The following MEI4 variants were observed in gnomAD, a reference collection of about 807,000 sequenced individuals.
MEI4 encodes meiotic double-stranded break formation protein 4.
MEI4 carries 27 observed loss-of-function variants against 31.4 expected under a neutral mutation model. The observed-to-expected ratio is 0.86, with a 90% CI of 0.63 to 1.19. The LOEUF (loss-of-function observed/expected upper bound fraction) is 1.19, where lower values mean the gene tolerates loss of function less well. Among genes scored for constraint, MEI4 ranks in the 50% most tolerant of loss-of-function variants. MEI4 has a pLI of 0.00. For synonymous variants in MEI4, 122 were observed against 145.4 expected, an observed-to-expected ratio of 0.84 and a Z score of 1.16; for missense variants, 329 against 398.9, an observed-to-expected ratio of 0.82 and a Z score of 1.49.
intron 4 of MEI4, among the ~76,000 whole-genome samples, chr6:77,833,681 C>T (rs1770136007): frequency 6.6e-6 from 1 of 151,928 alleles, no homozygotes; most frequent in Admixed American, 6.6e-5. Context: ...AGGTTTGTTA[C>T]ATAGGTATAC....
At chr6:77,671,494 TA>T (rs1347883979) in intron 1 of MEI4, among the ~76,000 whole-genome samples, 2 of 152,168 alleles carry the variant, frequency 1.3e-5, no homozygotes, top group East Asian at 3.8e-4. Context: ...TCTAAAATGT[TA>T]AAATGAAAAA....
chr6:77,733,289 C>T (rs374562771), intron 2 of MEI4, among the ~76,000 whole-genome samples: 27 of 152,136 alleles, frequency 1.8e-4, no homozygotes, highest in East Asian at 3.9e-4. Context: ...CTATTGATTA[C>T]TGCCACAATT....
intron 1 of MEI4, among the ~76,000 whole-genome samples, chr6:77,666,874 T>TGTGTGTGTGTGTGTGC (rs1554208072): frequency 2.8e-5 from 4 of 140,620 alleles, no homozygotes; most frequent in Non-Finnish European, 4.7e-5. Flanking sequence ...TGTGTGTGTG[T>TGTGTGTGTGTGTGTGC]GTGTGTGTGC....
At chr6:77,672,930 G>A (rs1768773126) in intron 1 of MEI4, among the ~76,000 whole-genome samples, 1 of 152,228 alleles carries the variant, frequency 6.6e-6, no homozygotes, top group South Asian at 2.1e-4. Flanking sequence ...CAAATATATT[G>A]GAATTAAATT....
chr6:77,883,397 G>C (rs1771533543), intron 4 of MEI4, among the ~76,000 whole-genome samples: 1 of 151,744 alleles, frequency 6.6e-6, no homozygotes, highest in South Asian at 2.1e-4. Flanking sequence ...AAGAACTTAT[G>C]TTTTCTAACT....
rs549618311 is a variant in MEI4, at chr6:77,665,642, C to T, written c.-15+12550C>T. On this transcript the variant is annotated intron_variant, in intron 1 of 4. Transcript: ENST00000684080. ...GTGGGTGAATAATCAGGTGTCCCTGCAATGATTAAACACCAAGGGAAGGCT... is the reference window on the plus strand; with the variant it reads ...GTGGGTGAATAATCAGGTGTCCCTGTAATGATTAAACACCAAGGGAAGGCT... Among the ~76,000 whole-genome samples the T allele has an allele frequency of 3.6e-4, 55 of 152,310 alleles. 1 individual carries two copies. In the East Asian group the frequency reaches 9.9e-3, roughly 27 times the overall value.
chr6:77,712,063 A>G (rs184643918), intron 2 of MEI4, among the ~76,000 whole-genome samples: 37 of 152,274 alleles, frequency 2.4e-4, no homozygotes, highest in Non-Finnish European at 4.9e-4. Flanking sequence ...TAAGCTGGCT[A>G]TGAAATATTA....
At chr6:77,921,378 CT>C (rs1766698755) in intron 4 of MEI4, among the ~76,000 whole-genome samples, 1 of 151,788 alleles carries the variant, frequency 6.6e-6, no homozygotes, top group Non-Finnish European at 1.5e-5. Flanking sequence ...TAGGCCTTTT[CT>C]CTGGTTCAGG....
At chr6:77,744,359 AAGGG>A (rs1767518072) in intron 2 of MEI4, among the ~76,000 whole-genome samples, 1 of 152,206 alleles carries the variant, frequency 6.6e-6, no homozygotes, top group South Asian at 2.1e-4. Flanking sequence ...AACTGGAAGA[AAGGG>A]TATCAGTGAT....
intron 4 of MEI4, among the ~76,000 whole-genome samples, chr6:77,851,107 G>A (rs1316185654): frequency 6.6e-6 from 1 of 152,182 alleles, no homozygotes; most frequent in Non-Finnish European, 1.5e-5. Flanking sequence ...ACACCAGTTA[G>A]AATGGTGATC....
rs762650928 is a variant in MEI4 at position 77,781,644 on chromosome 6, TATTTC to T, written c.768+19984_768+19988del. Among the ~76,000 whole-genome samples the T allele has an allele frequency of 2.4e-4, 36 of 152,330 alleles. 2 individuals carry two copies. In the East Asian group the frequency reaches 3.9e-3, roughly 16 times the overall value. The stretch of plus-strand genomic sequence containing the variant: ...AAGTTCTTTCTATATGTTTTGCAAT[TATTTC>T]ATTTAATCTTTATAACAATCCAGGA... On this transcript the variant is annotated intron_variant, in intron 3 of 4. Coordinates refer to ENST00000684080, the MANE Select transcript of MEI4 (RefSeq NM_001322247.2).
intron 4 of MEI4, among the ~76,000 whole-genome samples, chr6:77,867,770 G>A (rs1188595952): frequency 5.3e-5 from 8 of 152,032 alleles, no homozygotes; most frequent in Admixed American, 2.0e-4. Flanking sequence ...ATGCACACGT[G>A]TGTTTATTGT....
At chr6:77,909,865 C>G (rs1191788761) in intron 4 of MEI4, among the ~76,000 whole-genome samples, 1 of 152,178 alleles carries the variant, frequency 6.6e-6, no homozygotes, top group African/African-American at 2.4e-5. Flanking sequence ...CCACCATGAT[C>G]AAGTGGGCTT....
At position 77,926,802 on chromosome 6, in the gene MEI4, A is replaced by G. The variant is rs181769281; in HGVS notation, c.*3456A>G. On this transcript the variant is annotated 3_prime_UTR_variant, in exon 5 of 5. Coordinates refer to ENST00000684080, the MANE Select transcript of MEI4 (RefSeq NM_001322247.2). ...ACCAAGCTTTCTCTTAGCAGTCAAT[A>G]TAATGACCCAACTACATCAATATTT... 43 of 152,118 alleles carry G rather than the reference A, an allele frequency of 2.8e-4. No individual in the cohort carries two copies. Among genetic ancestry groups the G allele is most frequent in the African/African-American group, 9.9e-4 (41 of 41,564 alleles). The allele number at this position is 152,118 out of a possible 1,614,324, so 9.4% of individuals were successfully genotyped here.
At chr6:77,677,975 G>A (rs1440361256) in intron 1 of MEI4, among the ~76,000 whole-genome samples, 1 of 152,088 alleles carries the variant, frequency 6.6e-6, no homozygotes, top group African/African-American at 2.4e-5. Flanking sequence ...CCATGTTAAG[G>A]TAAAAATCTG....
intron 2 of MEI4, among the ~76,000 whole-genome samples, chr6:77,737,160 C>G (rs1166931528): frequency 1.3e-5 from 2 of 152,158 alleles, no homozygotes; most frequent in Non-Finnish European, 2.9e-5. Context: ...AAAAGGGAAA[C>G]TTAATATTTA....
intron 3 of MEI4, among the ~76,000 whole-genome samples, chr6:77,782,909 A>G (rs1243437046): frequency 6.6e-6 from 1 of 152,226 alleles, no homozygotes; most frequent in Non-Finnish European, 1.5e-5. Flanking sequence ...GCACTACAGT[A>G]ATTGGCAACC....
intron 1 of MEI4, among the ~76,000 whole-genome samples, chr6:77,685,378 G>A (rs1406108365): frequency 7.0e-6 from 1 of 142,562 alleles, no homozygotes; most frequent in Non-Finnish European, 1.5e-5. Flanking sequence ...GTCTATGTTT[G>A]CTTTGGTTGC....
chr6:77,773,714 G>C lies in MEI4; in HGVS notation c.768+12049G>C, dbSNP rs140655517. ...TTTGCCTATCAAAGAAAACAATTAA[G>C]AAAGTGAAGAGATGACCCACAGAAT... On this transcript the variant is annotated intron_variant, in intron 3 of 4. Coordinates refer to ENST00000684080, the MANE Select transcript of MEI4 (RefSeq NM_001322247.2). Among the ~76,000 whole-genome samples the C allele has an allele frequency of 1.4e-3, 213 of 152,106 alleles. 1 individual carries two copies. Among genetic ancestry groups the C allele is most frequent in the African/African-American group, 4.5e-3 (187 of 41,530 alleles).
Sources: gnomAD v4.1 joint callset for allele counts (sites outside exome capture counted in the v4.1 genomes callset) on GRCh38, gnomAD v4.1.1 for gene constraint, MANE v1.5 for transcripts, NCBI Gene and HGNC (gene_info 2026-07-23, HGNC 2026-07-21) for gene names.